SBF2: variants seen among roughly 807,000 people sequenced by gnomAD.
SBF2 encodes SET binding factor 2.
SBF2 carries 112 observed loss-of-function variants against 225.2 expected under a neutral mutation model. The observed-to-expected ratio is 0.50, with a 90% CI of 0.43 to 0.58. SBF2 has a LOEUF of 0.58. Ranked by LOEUF, SBF2 falls within the 20% of genes least tolerant of loss-of-function variation. SBF2 has a pLI of 0.00. For missense variants in SBF2, 1,996 were observed against 2,206.2 expected, an observed-to-expected ratio of 0.90 and a Z score of 1.91; for synonymous variants, 763 against 773.3, an observed-to-expected ratio of 0.99 and a Z score of 0.22.
chr11:10,080,211 G>A (rs1175502460), intron 2 of SBF2, among the ~76,000 whole-genome samples: 1 of 135,732 alleles, frequency 7.4e-6, no homozygotes, highest in African/African-American at 2.8e-5. Flanking sequence ...TCACACCACT[G>A]CACTCCAGCC....
chr11:10,147,947 A>G (rs996052894), intron 2 of SBF2, among the ~76,000 whole-genome samples: 3 of 152,212 alleles, frequency 2.0e-5, no homozygotes, highest in African/African-American at 7.2e-5. Context: ...AATCTCTAAA[A>G]CAGGAATAAC....
chr11:9,955,705 A>AAGAAATT, intron 16 of SBF2, among the ~76,000 whole-genome samples: 1 of 152,136 alleles, frequency 6.6e-6, no homozygotes, highest in Non-Finnish European at 1.5e-5. Context: ...ACTTTAAGAC[A>AAGAAATT]TAAAATATAC....
At chr11:9,874,306 G>A (rs1345261546) in intron 17 of SBF2, among the ~76,000 whole-genome samples, 3 of 151,724 alleles carry the variant, frequency 2.0e-5, no homozygotes, top group African/African-American at 2.4e-5. Flanking sequence ...CTAGATGAAG[G>A]CAGAAATCAC....
In SBF2 at chr11:9,992,983, A is replaced by G. The variant is rs771830581; in HGVS notation, c.1167+7T>C. ...TTGGACAGATACAATATAGTACTCT[A>G]TCTTACCTTGTGGAAATGTATTACT... On this transcript the variant is annotated splice_region_variant and intron_variant, in intron 11 of 39. Transcript: ENST00000256190. 1.3e-6 allele frequency: 2 copies of G among 1,577,680 alleles called. No homozygotes were observed. Among genetic ancestry groups the G allele is most frequent in the Non-Finnish European group, 1.7e-6 (2 of 1,149,120 alleles).
At chr11:10,135,474 T>G (rs1954302912) in intron 2 of SBF2, among the ~76,000 whole-genome samples, 1 of 152,224 alleles carries the variant, frequency 6.6e-6, no homozygotes, top group African/African-American at 2.4e-5. Context: ...AGGCTGCAAA[T>G]CATCTGAACG....
intron 35 of SBF2, among the ~76,000 whole-genome samples, chr11:9,788,650 A>G (rs1173878066): frequency 2.8e-5 from 4 of 145,246 alleles, no homozygotes; most frequent in African/African-American, 7.8e-5. Context: ...GCTGGAGTGC[A>G]GTGGCGTGAT....
intron 2 of SBF2, among the ~76,000 whole-genome samples, chr11:10,189,808 C>T (rs931718253): frequency 6.6e-6 from 1 of 152,118 alleles, no homozygotes; most frequent in African/African-American, 2.4e-5. Context: ...GGCATATTTT[C>T]TGAATAATGA....
chr11:10,038,945 A>G (rs934561974), intron 3 of SBF2, among the ~76,000 whole-genome samples: 1 of 151,908 alleles, frequency 6.6e-6, no homozygotes, highest in East Asian at 1.9e-4. Context: ...AAGTCAATGT[A>G]AATCTATCAT....
intron 32 of SBF2, among the ~76,000 whole-genome samples, chr11:9,799,770 AC>A (rs1218374951): frequency 9.9e-5 from 15 of 152,268 alleles, no homozygotes; most frequent in South Asian, 6.2e-4. Context: ...TGAGTCCTGC[AC>A]CCCAGTGACT....
intron 16 of SBF2, among the ~76,000 whole-genome samples, chr11:9,896,714 G>A (rs940531771): frequency 6.6e-5 from 10 of 151,714 alleles, no homozygotes; most frequent in Non-Finnish European, 8.8e-5. Context: ...GCTTGAACCC[G>A]GGAGGTGGAG....
chr11:9,868,337 C>CAAAAAAAA (rs35348349), intron 17 of SBF2, among the ~76,000 whole-genome samples: 62 of 26,378 alleles, frequency 2.4e-3, no homozygotes, highest in East Asian at 0.017. Flanking sequence ...TACAAAAATA[C>CAAAAAAAA]AAAAAAAAAA....
intron 14 of SBF2, 105 bp downstream of exon 14, chr11:9,968,236 G>A (rs929548416): frequency 1.0e-6 from 1 of 958,444 alleles, no homozygotes; most frequent in Non-Finnish European, 1.7e-6. Flanking sequence ...CTAGCTACAG[G>A]AGTTTGTTCA....
At chr11:10,279,998 C>T (rs1007862545) in intron 1 of SBF2, among the ~76,000 whole-genome samples, 16 of 152,152 alleles carry the variant, frequency 1.1e-4, no homozygotes, top group African/African-American at 3.4e-4. Flanking sequence ...TTTTCAGTAT[C>T]GTTTATCTGA....
intron 2 of SBF2, among the ~76,000 whole-genome samples, chr11:10,182,490 G>T (rs999010866): frequency 2.0e-5 from 3 of 152,002 alleles, no homozygotes; most frequent in African/African-American, 7.3e-5. Context: ...TCTCAAGTTG[G>T]CTACCATTTA....
intron 28 of SBF2, among the ~76,000 whole-genome samples, chr11:9,821,617 C>T (rs1422738542): frequency 6.6e-6 from 1 of 152,176 alleles, no homozygotes; most frequent in Non-Finnish European, 1.5e-5. Context: ...ACGTCTCAAG[C>T]TGTGTTTTTC....
At chr11:9,844,318 A>C (rs1856385611) in intron 24 of SBF2, among the ~76,000 whole-genome samples, 1 of 152,104 alleles carries the variant, frequency 6.6e-6, no homozygotes, top group Non-Finnish European at 1.5e-5. Context: ...TATAATCCCC[A>C]ATCTACCCTT....
At chr11:9,809,268 C>A in intron 30 of SBF2, 1 of 390,354 alleles carries the variant, frequency 2.6e-6, no homozygotes, top group South Asian at 2.5e-5. Flanking sequence ...GAGTTCGAGA[C>A]CAGCCTGGGC....
chr11:10,233,811 A>AT (rs1360897872), intron 1 of SBF2, among the ~76,000 whole-genome samples: 33 of 152,230 alleles, frequency 2.2e-4, no homozygotes, highest in Non-Finnish European at 4.3e-4. Flanking sequence ...CAGCTGTAAT[A>AT]CTAAGGCCTG....
intron 1 of SBF2, among the ~76,000 whole-genome samples, chr11:10,234,939 C>T (rs1959005155): frequency 6.6e-6 from 1 of 152,170 alleles, no homozygotes; most frequent in African/African-American, 2.4e-5. Flanking sequence ...CATGGCACAT[C>T]AATTTGTTAA....
Sources: allele counts gnomAD v4.1 joint callset (sites outside exome capture counted in the v4.1 genomes callset), GRCh38; gene constraint gnomAD v4.1.1; transcripts MANE v1.5; gene names NCBI Gene and HGNC (gene_info 2026-07-23, HGNC 2026-07-21).